The following TRPC4 variants were observed in gnomAD, a reference collection of about 807,000 sequenced individuals.
TRPC4 encodes short transient receptor potential channel 4.
TRPC4 carries 49 observed loss-of-function variants against 99.4 expected under a neutral mutation model. That is an observed-to-expected ratio of 0.49 (90% confidence interval 0.39 to 0.63). TRPC4 has a LOEUF of 0.63. Ranked by LOEUF, TRPC4 falls within the 20% of genes least tolerant of loss-of-function variation. The probability of loss-of-function intolerance (pLI) is 0.00; values close to 1 mark genes in which losing one functional copy is unlikely to be tolerated. For synonymous variants in TRPC4, 454 were observed against 425.9 expected, an observed-to-expected ratio of 1.07 and a Z score of -0.81; for missense variants, 898 against 1,152.9, an observed-to-expected ratio of 0.78 and a Z score of 3.20.
intron 3 of TRPC4, among the ~76,000 whole-genome samples, chr13:37,721,789 T>C (rs1331552264): frequency 6.6e-6 from 1 of 152,152 alleles, no homozygotes; most frequent in Non-Finnish European, 1.5e-5. Context: ...TTTTATTTAT[T>C]TTTTTACTTT....
chr13:37,782,188 G>A (rs1057320309), intron 2 of TRPC4, among the ~76,000 whole-genome samples: 1 of 152,056 alleles, frequency 6.6e-6, no homozygotes, highest in Non-Finnish European at 1.5e-5. Flanking sequence ...AAAGGGAAGA[G>A]TCCAGACAGA....
intron 3 of TRPC4, among the ~76,000 whole-genome samples, chr13:37,714,972 C>T (rs1041623379): frequency 4.0e-4 from 61 of 152,274 alleles, no homozygotes; most frequent in Non-Finnish European, 4.9e-4. Context: ...CGTATAGGTA[C>T]ACAAACAATA....
intron 1 of TRPC4, among the ~76,000 whole-genome samples, chr13:37,815,897 T>A (rs1957840186): frequency 6.8e-6 from 1 of 147,424 alleles, no homozygotes; most frequent in African/African-American, 2.5e-5. Flanking sequence ...TAAAAAAAAA[T>A]CAAATCATAC....
At chr13:37,725,066 A>T (rs1017591003) in intron 3 of TRPC4, among the ~76,000 whole-genome samples, 8 of 152,146 alleles carry the variant, frequency 5.3e-5, no homozygotes, top group East Asian at 3.9e-4. Flanking sequence ...AGAATTTTTT[A>T]AAAAAAGAAA....
intron 2 of TRPC4, among the ~76,000 whole-genome samples, chr13:37,782,427 T>C (rs1355079375): frequency 6.6e-6 from 1 of 152,138 alleles, no homozygotes; most frequent in Non-Finnish European, 1.5e-5. Flanking sequence ...TTTGTTTCTT[T>C]CTTTAAGTCT....
At chr13:37,644,108 A>G (rs1461790137) in intron 8 of TRPC4, among the ~76,000 whole-genome samples, 1 of 152,204 alleles carries the variant, frequency 6.6e-6, no homozygotes, top group African/African-American at 2.4e-5. Context: ...ACTCTTTGCA[A>G]TAAACATCAC....
At position 37,746,002 on chromosome 13, in the gene TRPC4, T is replaced by C; in HGVS notation, c.832A>G (p.Ile278Val). 1 of 1,613,910 alleles carries C rather than the reference T, an allele frequency of 6.2e-7. No homozygotes were observed. The highest frequency in any genetic ancestry group is 8.5e-7 in the Non-Finnish European group (1 of 1,179,852). ...AGATCATTTCCACTTTGTTCTTCTATGAGACTATTGTCATCTCGGTAATTA... is the reference window on the plus strand; with the variant it reads ...AGATCATTTCCACTTTGTTCTTCTACGAGACTATTGTCATCTCGGTAATTA... The part of the protein sequence containing the change: ...ILNYRDDNSL[I>V]EEQSGNDLAR... The change falls in exon 3 of 11, where the codon ATA becomes GTA. Residue 278 changes from isoleucine to valine, a missense_variant. Transcript: ENST00000379705.
chr13:37,694,344 G>A (rs758272371), intron 3 of TRPC4, among the ~76,000 whole-genome samples: 2 of 152,138 alleles, frequency 1.3e-5, no homozygotes, highest in African/African-American at 2.4e-5. Context: ...AACTCATTCC[G>A]TGCATGCAGA....
In TRPC4 at chr13:37,796,968, A is replaced by ATAAAGTAAAGTAAAGTAAAGTAAAG. The variant is rs548354406; in HGVS notation, c.-27-13633_-27-13609dup. Among the ~76,000 whole-genome samples, 105 of 115,124 alleles carry ATAAAGTAAAGTAAAGTAAAGTAAAG rather than the reference A, an allele frequency of 9.1e-4. 2 individuals are homozygous for ATAAAGTAAAGTAAAGTAAAGTAAAG. Among genetic ancestry groups the ATAAAGTAAAGTAAAGTAAAGTAAAG allele is most frequent in the African/African-American group, 3.5e-3 (92 of 26,232 alleles). 75.5% of individuals were successfully genotyped at this position (115,124 alleles called of 152,430 possible). ...ATAAAATAAAATAAAATAAAATAAA[A>ATAAAGTAAAGTAAAGTAAAGTAAAG]TAAAGTAAAGTAAAGTAAAGTAAAG... is the stretch of plus-strand genomic sequence containing the variant. On this transcript the variant is annotated intron_variant, in intron 1 of 10. Transcript: ENST00000379705.
chr13:37,676,435 C>T (rs918354547), intron 4 of TRPC4, among the ~76,000 whole-genome samples: 4 of 150,470 alleles, frequency 2.7e-5, no homozygotes, highest in African/African-American at 9.8e-5. Context: ...TGCAGTAGCG[C>T]AATCTCCGCC....
chr13:37,637,026 C>T lies in TRPC4; in HGVS notation c.2811G>A (p.Val937=), dbSNP rs1365228453. The T allele has an allele frequency of 1.9e-6, 3 of 1,613,590 alleles. No individual in the cohort carries two copies. The highest frequency in any genetic ancestry group is 1.1e-5 in the South Asian group (1 of 91,070). ...TTGGTATTATAGGAACCGTGTCCTC[C>T]ACCACCACCTTCTCTGACTTGAATG... ...VCPFKSEKVV[V]EDTVPIIPKE... is the part of the protein sequence containing the mutation. Residue 937 remains valine (V), a synonymous_variant, in exon 11 of 11, where the codon GTG becomes GTA. Coordinates refer to ENST00000379705, the MANE Select transcript of TRPC4 (RefSeq NM_016179.4).
chr13:37,775,499 C>G (rs941699758), intron 2 of TRPC4, among the ~76,000 whole-genome samples: 1 of 151,040 alleles, frequency 6.6e-6, no homozygotes, highest in Admixed American at 6.6e-5. Context: ...CTACACAGAT[C>G]ACCCCATCAC....
intron 6 of TRPC4, among the ~76,000 whole-genome samples, chr13:37,657,336 A>AT (rs1952272524): frequency 6.6e-6 from 1 of 152,244 alleles, no homozygotes; most frequent in South Asian, 2.1e-4. Flanking sequence ...GAGAGAATTC[A>AT]ATCTGACTCA....
At chr13:37,730,118 G>A (rs905103771) in intron 3 of TRPC4, among the ~76,000 whole-genome samples, 2 of 151,938 alleles carry the variant, frequency 1.3e-5, no homozygotes, top group South Asian at 4.1e-4. Context: ...GGTTTCCAGC[G>A]AAAACATTAA....
In TRPC4 at chr13:37,650,402, A is replaced by C. The variant is rs540097792; in HGVS notation, c.2079+863T>G. On this transcript the variant is annotated intron_variant, in intron 8 of 10. Transcript: ENST00000379705. ...AACACAAAGTGAGGAAGGCGTGAAG[A>C]ATGATTTGTCTTATGTCAATGGTAT... Among the ~76,000 whole-genome samples, 7 of 152,192 alleles carry C rather than the reference A, an allele frequency of 4.6e-5. No individual in the cohort carries two copies. The South Asian group carries it at 1.5e-3, about 32-fold the overall frequency.
chr13:37,789,080 G>C (rs1333377), intron 1 of TRPC4, among the ~76,000 whole-genome samples: 74,750 of 151,724 alleles, frequency 0.49, 18,734 homozygotes, highest in Admixed American at 0.61. Flanking sequence ...ATCTTTCTAA[G>C]ACGCAAATCT....
chr13:37,771,287 G>A (rs577325159), intron 2 of TRPC4, among the ~76,000 whole-genome samples: 4 of 151,760 alleles, frequency 2.6e-5, no homozygotes, highest in African/African-American at 7.2e-5. Context: ...ATCCTTTATT[G>A]AAACTTTGCT....
intron 8 of TRPC4, among the ~76,000 whole-genome samples, chr13:37,649,361 C>T (rs759101649): frequency 1.3e-5 from 2 of 152,054 alleles, no homozygotes; most frequent in Non-Finnish European, 2.9e-5. Context: ...AGATGGAACC[C>T]ATGCCTTCGT....
intron 1 of TRPC4, among the ~76,000 whole-genome samples, chr13:37,826,825 G>A (rs1181048473): frequency 2.0e-5 from 3 of 152,102 alleles, no homozygotes; most frequent in Non-Finnish European, 4.4e-5. Context: ...GCCCTGCCTT[G>A]CTAGATTGGG....
Sources: gnomAD v4.1 joint callset for allele counts (sites outside exome capture counted in the v4.1 genomes callset) on GRCh38, gnomAD v4.1.1 for gene constraint, MANE v1.5 for transcripts, NCBI Gene and HGNC (gene_info 2026-07-23, HGNC 2026-07-21) for gene names.